The following SEPSECS variants were observed in gnomAD, a reference collection of about 807,000 sequenced individuals.
SEPSECS encodes Sep (O-phosphoserine) tRNA:Sec (selenocysteine) tRNA synthase.
Under a neutral mutation model 52.1 loss-of-function variants are expected in SEPSECS, and 42 were observed. The ratio of observed to expected loss-of-function variants is 0.81; its 90% CI spans 0.63 to 1.04. The LOEUF is 1.04. Ranked by LOEUF, SEPSECS falls within the 50% of genes least tolerant of loss-of-function variation. The pLI, the probability that SEPSECS is intolerant of heterozygous loss-of-function variation, is 0.00. For synonymous variants in SEPSECS, 216 were observed against 211.4 expected (o/e 1.02, Z -0.19); for missense variants, 590 against 610.6 (o/e 0.97, Z 0.36).
intron 8 of SEPSECS, among the ~76,000 whole-genome samples, chr4:25,128,429 T>G (rs183839394): frequency 6.6e-6 from 1 of 150,538 alleles, no homozygotes; most frequent in African/African-American, 2.5e-5. Context: ...CTGGGTAACA[T>G]AACAAAAACA....
chr4:25,143,077 T>C lies in SEPSECS; in HGVS notation c.1026+1697A>G, dbSNP rs1404181958. Among the ~76,000 whole-genome samples, 4 of 152,346 alleles carry C rather than the reference T, an allele frequency of 2.6e-5. No homozygotes were observed. The East Asian group carries it at 5.8e-4, about 22-fold the overall frequency. Reference sequence around the variant, plus strand: ...TGTTATCTGACATATGGATCTGTTTTCTTGAAAGATTTGCCACAGTCTTCT... The same window carrying C: ...TGTTATCTGACATATGGATCTGTTTCCTTGAAAGATTTGCCACAGTCTTCT... On this transcript the variant is annotated intron_variant, in intron 8 of 10. Coordinates refer to ENST00000382103, the MANE Select transcript of SEPSECS (RefSeq NM_016955.4).
chr4:25,130,513 A>C (rs1231667148), intron 8 of SEPSECS, among the ~76,000 whole-genome samples: 1 of 152,236 alleles, frequency 6.6e-6, no homozygotes, highest in Non-Finnish European at 1.5e-5. Context: ...CGAGGATAAC[A>C]CTAAAGTAAT....
intron 3 of SEPSECS, 149 bp downstream of exon 3, chr4:25,156,707 C>CAAAAAAAA (rs34542574): frequency 7.0e-5 from 16 of 229,648 alleles, no homozygotes; most frequent in African/African-American, 3.4e-4. Flanking sequence ...GACTCCGTCT[C>CAAAAAAAA]AAAAAAAAAA....
At chr4:25,157,197 A>G (rs943674430) in intron 2 of SEPSECS, among the ~76,000 whole-genome samples, 3 of 152,212 alleles carry the variant, frequency 2.0e-5, no homozygotes, top group Non-Finnish European at 4.4e-5. Flanking sequence ...GCCACCATCA[A>G]TTCTTTTTCT....
At chr4:25,157,558 G>GT (rs1560337266) in intron 2 of SEPSECS, among the ~76,000 whole-genome samples, 1 of 103,736 alleles carries the variant, frequency 9.6e-6, no homozygotes, top group Non-Finnish European at 2.0e-5. Context: ...TTTTTTTTTC[G>GT]TTTTGAGACG....
chr4:25,140,315 G>GT (rs1018233862), intron 8 of SEPSECS, among the ~76,000 whole-genome samples: 4 of 152,102 alleles, frequency 2.6e-5, no homozygotes, highest in African/African-American at 9.7e-5. Context: ...ATATAACTGA[G>GT]TTTTTTTGGC....
chr4:25,153,485 C>A (rs1577627397), intron 5 of SEPSECS, among the ~76,000 whole-genome samples: 1 of 151,222 alleles, frequency 6.6e-6, no homozygotes, highest in East Asian at 1.9e-4. Flanking sequence ...AAATATTTTT[C>A]ATATGTATCA....
In SEPSECS at chr4:25,125,746, C is replaced by T. The variant is rs769326317; in HGVS notation, c.1159G>A (p.Ala387Thr). The T allele has an allele frequency of 3.7e-6, 6 of 1,613,092 alleles. No individual in the cohort carries two copies. Residue 387 changes from alanine to threonine, a missense_variant, in exon 10 of 11, where the codon GCT becomes ACT. Ala to Thr is a moderately conservative substitution (Grantham distance 58, BLOSUM62 0). Coordinates refer to ENST00000382103, the MANE Select transcript of SEPSECS (RefSeq NM_016955.4). ...LKTLDEHRDK[A>T]VTQLGSMLFT... ...AGCATCGAGCCAAGCTGAGTGACAG[C>T]TTTGTCACGGTGTTCATCTAGTGTT...
intron 6 of SEPSECS, among the ~76,000 whole-genome samples, chr4:25,149,844 A>G (rs1257000311): frequency 1.3e-5 from 2 of 152,246 alleles, no homozygotes; most frequent in Non-Finnish European, 2.9e-5. Flanking sequence ...TAAGTGAAGA[A>G]GCCTTAAAAA....
intron 2 of SEPSECS, among the ~76,000 whole-genome samples, chr4:25,158,671 TTA>T (rs1461844965): frequency 6.6e-6 from 1 of 152,154 alleles, no homozygotes; most frequent in African/African-American, 2.4e-5. Context: ...GATATGTTTA[TTA>T]GGGTAACCGT....
chr4:25,156,167 T>G lies in SEPSECS; in HGVS notation c.417A>C (p.Val139=). The G allele has an allele frequency of 6.2e-7, 1 of 1,614,104 alleles. No homozygotes were observed. The highest frequency in any genetic ancestry group is 8.5e-7 in the Non-Finnish European group (1 of 1,179,990). Residue 139 remains valine, a synonymous_variant, in exon 4 of 11, where the codon GTA becomes GTC. Coordinates refer to ENST00000382103, the MANE Select transcript of SEPSECS (RefSeq NM_016955.4). ...GACTCATACCAGTTGCCATAGGAACTACAAAGCAGTTGGCTACTGTATGGA... is the reference window on the plus strand; with the variant it reads ...GACTCATACCAGTTGCCATAGGAACGACAAAGCAGTTGGCTACTGTATGGA... ...AGVHTVANCF[V]VPMATGMSLT...
At position 25,147,795 on chromosome 4, in the gene SEPSECS, TA is replaced by T. The variant is rs538388752; in HGVS notation, c.805-2663del. Among the ~76,000 whole-genome samples the T allele has an allele frequency of 7.2e-4, 110 of 152,110 alleles. 2 individuals are homozygous for T. In the South Asian group the frequency reaches 0.021, roughly 29 times the overall value. On this transcript the variant is annotated intron_variant, in intron 6 of 10. Transcript: ENST00000382103. ...AAACATAATGTTAAAACAATAAAAA[TA>T]AAAAAAATTTATTTATACTTTTCTT...
intron 4 of SEPSECS, 91 bp from the exon 5 acceptor site, chr4:25,155,242 A>T: frequency 7.5e-7 from 1 of 1,337,620 alleles, no homozygotes; most frequent in Admixed American, 1.8e-5. Context: ...TCTACACAAG[A>T]ACTCTTAATA....
At chr4:25,160,560 T>G, upstream of SEPSECS, 3 of 513,988 alleles carry the variant, frequency 5.8e-6, no homozygotes, top group East Asian at 3.3e-5. Context: ...CAGATGGCGC[T>G]CCAGGAGGAA....
At chr4:25,144,736 G>A (rs1711850613) in intron 8 of SEPSECS, 38 bp downstream of exon 8, 7 of 1,405,814 alleles carry the variant, frequency 5.0e-6, no homozygotes, top group Non-Finnish European at 7.1e-6. Context: ...CACAGTTCTA[G>A]TCAAGAATGT....
Position 25,127,273 on chromosome 4 carries a change from T to C in SEPSECS, c.1111A>G (p.Ile371Val), listed in dbSNP as rs377440128. ...GGAAAAAAGAAATTACCTAAAGATA[T>C]GGGATTGTGAGGTGTATGCAACAGT... ...ERLLHTPHNP[I>V]SLAMTLKTLD... Residue 371 changes from isoleucine (I) to valine (V), a missense_variant, in exon 9 of 11, where the codon ATA becomes GTA. Ile to Val is a conservative substitution (Grantham distance 29, BLOSUM62 3). Coordinates refer to ENST00000382103, the MANE Select transcript of SEPSECS (RefSeq NM_016955.4). 2.2e-5 allele frequency: 36 copies of C among 1,607,258 alleles called. No individual in the cohort carries two copies. In the African/African-American group the frequency reaches 2.7e-4, roughly 12 times the overall value.
At chr4:25,144,326 C>CAAA (rs34160695) in intron 8 of SEPSECS, among the ~76,000 whole-genome samples, 6 of 83,802 alleles carry the variant, frequency 7.2e-5, no homozygotes, top group Admixed American at 2.8e-4. Flanking sequence ...AGACTCCGCT[C>CAAA]AAAAAAAAAA....
chr4:25,146,525 AG>A (rs1363450921), intron 6 of SEPSECS, among the ~76,000 whole-genome samples: 4 of 152,222 alleles, frequency 2.6e-5, no homozygotes, highest in Admixed American at 1.3e-4. Flanking sequence ...ATAAGTGGAC[AG>A]TCAGAGTTGC....
At chr4:25,137,883 C>T (rs1728905065) in intron 8 of SEPSECS, among the ~76,000 whole-genome samples, 6 of 152,118 alleles carry the variant, frequency 3.9e-5, no homozygotes, top group Admixed American at 3.9e-4. Context: ...TACTATGCAG[C>T]CTTAAAAAGA....
Sources: allele counts gnomAD v4.1 joint callset (sites outside exome capture counted in the v4.1 genomes callset), GRCh38; gene constraint gnomAD v4.1.1; transcripts MANE v1.5; gene names NCBI Gene and HGNC (gene_info 2026-07-23, HGNC 2026-07-21).